CACNA1B: variants seen among roughly 807,000 people sequenced by gnomAD.
The protein encoded by CACNA1B is voltage-dependent N-type calcium channel subunit alpha-1B.
CACNA1B carries 70 observed loss-of-function variants against 247.2 expected under a neutral mutation model. The ratio of observed to expected loss-of-function variants is 0.28; its 90% CI spans 0.23 to 0.35. The LOEUF (loss-of-function observed/expected upper bound fraction) is 0.35, where lower values mean the gene tolerates loss of function less well. CACNA1B is among the 10% of genes least tolerant of loss of function. CACNA1B has a pLI of 1.00. For synonymous variants in CACNA1B, 1,231 were observed against 1,294.4 expected, an observed-to-expected ratio of 0.95 and a Z score of 1.05; for missense variants, 2,367 against 3,197.4, an observed-to-expected ratio of 0.74 and a Z score of 6.26.
intron 3 of CACNA1B, among the ~76,000 whole-genome samples, chr9:137,912,456 C>G (rs1957369178): frequency 6.6e-6 from 1 of 152,084 alleles, no homozygotes; most frequent in Admixed American, 6.5e-5. Flanking sequence ...GAGAACCTGG[C>G]TGGAGAAAGC....
intron 42 of CACNA1B, among the ~76,000 whole-genome samples, chr9:138,117,025 G>A (rs913400188): frequency 2.6e-5 from 4 of 152,232 alleles, no homozygotes; most frequent in African/African-American, 9.7e-5. Flanking sequence ...TCAGGCTCCA[G>A]TCTGAGCTCA....
chr9:138,092,845 G>A (rs551958340), intron 36 of CACNA1B, among the ~76,000 whole-genome samples: 2 of 152,262 alleles, frequency 1.3e-5, no homozygotes, highest in South Asian at 2.1e-4. Flanking sequence ...GGCTTCAGCC[G>A]GTCCCTCCGT....
chr9:137,892,402 G>T, intron 3 of CACNA1B: 2 of 454,616 alleles, frequency 4.4e-6, no homozygotes, highest in Non-Finnish European at 8.8e-6. Context: ...CAGGCCTGCG[G>T]GGTCCACTGT....
rs1449744228 is a variant in CACNA1B at position 137,900,812 on chromosome 9, CTGTGTCTGTGTGTCCT to C, written c.531-12357_531-12342del. On this transcript the variant is annotated intron_variant, in intron 3 of 46. Coordinates refer to ENST00000371372, the MANE Select transcript of CACNA1B (RefSeq NM_000718.4). ...GTGTCTGTGTGTGTACCGTGTGTCC[CTGTGTCTGTGTGTCCT>C]TGTGTCTGTGCTGTGTGTCCCTGTG... Among the ~76,000 whole-genome samples the C allele has an allele frequency of 2.2e-5, 3 of 135,222 alleles. No homozygotes were observed. In the Admixed American group the frequency reaches 2.3e-4, roughly 10 times the overall value. 88.7% of individuals were successfully genotyped at this position (135,222 alleles called of 152,430 possible). A position where few individuals can be genotyped will look rare whatever the true frequency, so the allele number is the denominator to read the frequency against.
intron 24 of CACNA1B, among the ~76,000 whole-genome samples, chr9:138,049,525 G>A (rs1211244764): frequency 1.3e-5 from 2 of 152,172 alleles, no homozygotes; most frequent in African/African-American, 2.4e-5. Flanking sequence ...CTCAAACTAG[G>A]TAGGGCCCTG....
rs1448966877 is a variant in CACNA1B at position 137,914,647 on chromosome 9, G to T, written c.623-7G>T. 1 of 1,613,168 alleles carries T rather than the reference G, an allele frequency of 6.2e-7. No individual in the cohort carries two copies. The highest frequency in any genetic ancestry group is 8.5e-7 in the Non-Finnish European group (1 of 1,179,568). Reference sequence around the variant, plus strand: ...TTGCTTCCTGACCTGCCCTGTTCTGGCCCCAGGTTTGCAGGTGGTGCTCAA... The same window carrying T: ...TTGCTTCCTGACCTGCCCTGTTCTGTCCCCAGGTTTGCAGGTGGTGCTCAA... On this transcript the variant is annotated splice_region_variant and splice_polypyrimidine_tract_variant and intron_variant, in intron 4 of 46. Transcript: ENST00000371372. This position sits in a 1 kb window ranked among gnomAD's most constrained non-coding sequence, Gnocchi z 4.3.
chr9:137,946,059 A>G (rs1034775347), intron 6 of CACNA1B, among the ~76,000 whole-genome samples: 1 of 152,046 alleles, frequency 6.6e-6, no homozygotes, highest in Non-Finnish European at 1.5e-5. Context: ...TGACCTCGTG[A>G]TCCACCTGCC....
rs538600636 is a variant in CACNA1B at position 137,891,425 on chromosome 9, G to A, written c.530+8542G>A. 25 of 154,794 alleles carry A rather than the reference G, an allele frequency of 1.6e-4. No individual in the cohort carries two copies. Among genetic ancestry groups the A allele is most frequent in the Admixed American group, 8.4e-4 (13 of 15,452 alleles). 9.6% of individuals were successfully genotyped at this position (154,794 alleles called of 1,614,324 possible). A position where few individuals can be genotyped will look rare whatever the true frequency, so the allele number is the denominator to read the frequency against. The stretch of plus-strand genomic sequence containing the variant: ...TCCAGGTGCTCACTGGGGCTGCTGT[G>A]TTCCAGTGCCCTGGGGGGTCCCAGG... On this transcript the variant is annotated intron_variant, in intron 3 of 46. Transcript: ENST00000371372. This position sits in a 1 kb window ranked among gnomAD's most constrained non-coding sequence, Gnocchi z 4.3.
chr9:138,121,717 G>C lies in CACNA1B; in HGVS notation c.6738G>C (p.Gln2246His), dbSNP rs200222038. The part of the protein sequence containing the change: ...NALLQRDPLS[Q>H]PLAPGSRIGS... Reference sequence around the variant, plus strand: ...TGCTGCAGAGAGACCCCCTCAGCCAGCCCCTGGCCCCTGGCTCTCGAATTG... The same window carrying C: ...TGCTGCAGAGAGACCCCCTCAGCCACCCCCTGGCCCCTGGCTCTCGAATTG... Residue 2246 changes from glutamine to histidine, a missense_variant, in exon 47 of 47, where the codon CAG becomes CAC. Physicochemically the swap from Gln to His is conservative, Grantham distance 24. Transcript: ENST00000371372. The surrounding 1 kb of genome is among the most constrained non-coding windows in gnomAD (Gnocchi z 6.8). The C allele has an allele frequency of 3.2e-4, 514 of 1,613,280 alleles. 1 individual carries two copies. In the East Asian group the frequency reaches 9.2e-3, roughly 29 times the overall value.
At position 138,096,588 on chromosome 9, in the gene CACNA1B, G is replaced by A. The variant is rs757905664; in HGVS notation, c.5199G>A (p.Trp1733Ter). ...PHHLDEFIRV[W>*]AEYDPAACGR... ...ACTTGGATGAGTTCATCCGGGTCTG[G>A]GCTGAATACGACCCGGCTGCGTGGT... is the stretch of plus-strand genomic sequence containing the variant. The change falls in exon 37 of 47, where the codon TGG (tryptophan) becomes TGA (stop). Residue 1733 changes from tryptophan to a stop codon, truncating the protein, a stop_gained. Transcript: ENST00000371372. LOFTEE classifies it high-confidence loss of function. The A allele has an allele frequency of 6.2e-7, 1 of 1,612,796 alleles. No individual in the cohort carries two copies. The highest frequency in any genetic ancestry group is 8.5e-7 in the Non-Finnish European group (1 of 1,179,434).
At chr9:138,115,718 G>A in intron 42 of CACNA1B, 39 bp downstream of exon 42, 1 of 1,584,270 alleles carries the variant, frequency 6.3e-7, no homozygotes, top group African/African-American at 1.3e-5. Context: ...GACAGGAGGA[G>A]GTCCAAAGAC....
intron 36 of CACNA1B, among the ~76,000 whole-genome samples, chr9:138,087,643 A>G (rs1409334261): frequency 1.5e-5 from 2 of 129,676 alleles, no homozygotes; most frequent in Non-Finnish European, 3.1e-5. Flanking sequence ...TGAACCCAGG[A>G]GGCGGAGGTT....
chr9:137,885,470 A>G (rs1239796874), intron 3 of CACNA1B, among the ~76,000 whole-genome samples: 1 of 149,660 alleles, frequency 6.7e-6, no homozygotes, highest in Non-Finnish European at 1.5e-5. Flanking sequence ...TTTTAATTAG[A>G]GTTGATTTAA....
chr9:138,008,272 G>A (rs1394928479), intron 16 of CACNA1B, among the ~76,000 whole-genome samples: 1 of 152,230 alleles, frequency 6.6e-6, no homozygotes, highest in Admixed American at 6.5e-5. Flanking sequence ...CAGAGCAGTG[G>A]CCAGTGGTTC....
chr9:138,122,022 C>T lies in CACNA1B; in HGVS notation c.*23C>T, dbSNP rs753265993. 6.3e-7 allele frequency: 1 copy of T among 1,578,376 alleles called. No individual in the cohort carries two copies. On this transcript the variant is annotated 3_prime_UTR_variant, in exon 47 of 47. Transcript: ENST00000371372. Reference sequence around the variant, plus strand: ...TAGCTGCACCGTGACCGCTCAGACGCCTGCATGCAGCAGGCGTGTGTTCCA... The same window carrying T: ...TAGCTGCACCGTGACCGCTCAGACGTCTGCATGCAGCAGGCGTGTGTTCCA...
At chr9:137,903,793 A>G (rs1488362161) in intron 3 of CACNA1B, among the ~76,000 whole-genome samples, 1 of 152,056 alleles carries the variant, frequency 6.6e-6, no homozygotes, top group Non-Finnish European at 1.5e-5. Flanking sequence ...TATAAAAGTC[A>G]CCTGCACTGT....
Position 137,986,883 on chromosome 9 carries a change from C to T in CACNA1B, c.1974+29C>T. The T allele has an allele frequency of 6.4e-7, 1 of 1,556,116 alleles. No homozygotes were observed. The highest frequency in any genetic ancestry group is 1.1e-5 in the South Asian group (1 of 89,812). On this transcript the variant is annotated intron_variant, in intron 15 of 46. Coordinates refer to ENST00000371372, the MANE Select transcript of CACNA1B (RefSeq NM_000718.4). The surrounding 1 kb of genome is among the most constrained non-coding windows in gnomAD (Gnocchi z 6.0). ...AGGCACCTGCTCTGCACATTTGCGGCCTGCCCGGCTCCCGTCTCCCCTGGG... is the reference window on the plus strand; with the variant it reads ...AGGCACCTGCTCTGCACATTTGCGGTCTGCCCGGCTCCCGTCTCCCCTGGG...
In CACNA1B at chr9:138,073,388, T is replaced by C. The variant is rs1252752635; in HGVS notation, c.4675-100T>C. 1.4e-6 allele frequency: 1 copy of C among 707,206 alleles called. No individual in the cohort carries two copies. The highest frequency in any genetic ancestry group is 1.8e-5 in the African/African-American group (1 of 56,462). The allele number at this position is 707,206 out of a possible 1,614,324, so 43.8% of individuals were successfully genotyped here. On this transcript the variant is annotated intron_variant, in intron 32 of 46. Coordinates refer to ENST00000371372, the MANE Select transcript of CACNA1B (RefSeq NM_000718.4). This position sits in a 1 kb window ranked among gnomAD's most constrained non-coding sequence, Gnocchi z 6.4. ...TTTTAATCTTTTTAACCACTTTTCT[T>C]TGGGGCCACAGGGATGTGGGAAGAG...
At chr9:138,029,972 G>A (rs1194347804) in intron 20 of CACNA1B, among the ~76,000 whole-genome samples, 1 of 152,150 alleles carries the variant, frequency 6.6e-6, no homozygotes, top group African/African-American at 2.4e-5. Flanking sequence ...TGTGCTAGGT[G>A]TGTGTTTGTA....
Sources: allele counts gnomAD v4.1 joint callset (sites outside exome capture counted in the v4.1 genomes callset), GRCh38; gene constraint gnomAD v4.1.1; non-coding constraint Gnocchi (gnomAD v3.1); transcripts MANE v1.5; gene names NCBI Gene and HGNC (gene_info 2026-07-23, HGNC 2026-07-21).